The following ADAMTS19 variants were observed in gnomAD, a reference collection of about 807,000 sequenced individuals.
The protein encoded by ADAMTS19 is A disintegrin and metalloproteinase with thrombospondin motifs 19.
Under a neutral mutation model 153.3 loss-of-function variants are expected in ADAMTS19, and 93 were observed. The ratio of observed to expected loss-of-function variants is 0.61; its 90% CI spans 0.51 to 0.72. ADAMTS19 has a LOEUF of 0.72. Ranked by LOEUF, ADAMTS19 falls within the 30% of genes least tolerant of loss-of-function variation. ADAMTS19 has a pLI of 0.00. For missense variants in ADAMTS19, 1,482 were observed against 1,552.1 expected (o/e 0.95, Z 0.76); for synonymous variants, 600 against 556.6 (o/e 1.08, Z -1.10).
intron 6 of ADAMTS19, among the ~76,000 whole-genome samples, chr5:129,548,409 A>C (rs886941924): frequency 6.6e-6 from 1 of 151,974 alleles, no homozygotes; most frequent in African/African-American, 2.4e-5. Flanking sequence ...TTATGCAGCC[A>C]AAAAACACAT....
intron 16 of ADAMTS19, among the ~76,000 whole-genome samples, chr5:129,679,328 T>A (rs909395424): frequency 6.6e-6 from 1 of 152,236 alleles, no homozygotes; most frequent in Non-Finnish European, 1.5e-5. Flanking sequence ...TTAATGATCC[T>A]TCTTTAATCA....
chr5:129,591,883 T>A (rs1213050602), intron 7 of ADAMTS19, among the ~76,000 whole-genome samples: 1 of 152,058 alleles, frequency 6.6e-6, no homozygotes, highest in Non-Finnish European at 1.5e-5. Context: ...CTCTGATTTC[T>A]TCATTAGTTC....
At chr5:129,522,959 G>T (rs1302538077) in intron 3 of ADAMTS19, among the ~76,000 whole-genome samples, 1 of 151,968 alleles carries the variant, frequency 6.6e-6, no homozygotes, top group Non-Finnish European at 1.5e-5. Flanking sequence ...GAGAGGCAGA[G>T]GCAGGAGAAT....
chr5:129,460,530 G>C (rs750225288), intron 1 of ADAMTS19, 48 bp downstream of exon 1: 2 of 1,610,634 alleles, frequency 1.2e-6, no homozygotes, highest in Non-Finnish European at 1.7e-6. Flanking sequence ...CATCCCAGCG[G>C]AGACCGCGAA....
Position 129,526,389 on chromosome 5 carries a change from A to T in ADAMTS19, c.1019A>T (p.Asp340Val). 1 of 1,604,914 alleles carries T rather than the reference A, an allele frequency of 6.2e-7. No homozygotes were observed. The highest frequency in any genetic ancestry group is 8.5e-7 in the Non-Finnish European group (1 of 1,176,150). ...AACATAGAGACTGTAGTGGTTGCAG[A>T]CCCAGCAATGGTTTCCTATCATGGA... ...EYNIETVVVA[D>V]PAMVSYHGAD... The change falls in exon 4 of 23, where the codon GAC becomes GTC. Residue 340 changes from aspartate (D) to valine (V), a missense_variant. Asp to Val is a radical substitution (Grantham distance 152). This residue lies in a region of ADAMTS19 where 866 missense variants were observed against 827.7 expected (regional missense o/e 1.05). Transcript: ENST00000274487.
chr5:129,662,888 A>ATTTTTTTTTTTTTTTT (rs3049499), intron 15 of ADAMTS19, among the ~76,000 whole-genome samples: 2 of 92,888 alleles, frequency 2.2e-5, no homozygotes, highest in African/African-American at 9.4e-5. Flanking sequence ...ATTCTTCTTC[A>ATTTTTTTTTTTTTTTT]TTTTTTTTTT....
intron 3 of ADAMTS19, among the ~76,000 whole-genome samples, chr5:129,512,337 G>A (rs1308017581): frequency 6.6e-6 from 1 of 152,040 alleles, no homozygotes; most frequent in Non-Finnish European, 1.5e-5. Flanking sequence ...GGGCATTAGA[G>A]AGAACACACA....
chr5:129,549,278 A>T (rs1752979912), intron 6 of ADAMTS19, among the ~76,000 whole-genome samples: 2 of 151,378 alleles, frequency 1.3e-5, no homozygotes, highest in South Asian at 4.1e-4. Context: ...AATAATAGAA[A>T]AGGATTAAAT....
In ADAMTS19 at chr5:129,623,362, C is replaced by T. The variant is rs529176014; in HGVS notation, c.1770+1014C>T. Among the ~76,000 whole-genome samples the T allele has an allele frequency of 1.5e-4, 23 of 152,078 alleles. 1 individual carries two copies. Among genetic ancestry groups the T allele is most frequent in the African/African-American group, 3.6e-4 (15 of 41,484 alleles). ...CATCCCCTATCTGCCCATCTCCTCT[C>T]GCCTCTTCCTAACACACACACATAC... On this transcript the variant is annotated intron_variant, in intron 10 of 22. Transcript: ENST00000274487.
chr5:129,696,114 C>G (rs1755539981), intron 19 of ADAMTS19, among the ~76,000 whole-genome samples: 1 of 152,160 alleles, frequency 6.6e-6, no homozygotes, highest in Admixed American at 6.6e-5. Flanking sequence ...TTTCCCTATT[C>G]ACACCCCCAA....
chr5:129,472,203 C>A (rs188341118), intron 2 of ADAMTS19, among the ~76,000 whole-genome samples: 2 of 152,172 alleles, frequency 1.3e-5, no homozygotes, highest in African/African-American at 4.8e-5. Context: ...TTCTCTGCAA[C>A]CTTGCTAGGA....
intron 2 of ADAMTS19, among the ~76,000 whole-genome samples, chr5:129,474,874 T>C (rs926285539): frequency 4.6e-5 from 7 of 152,186 alleles, no homozygotes; most frequent in Non-Finnish European, 2.9e-5. Flanking sequence ...TTCATAGCCA[T>C]TGTAATATTT....
At chr5:129,615,792 T>C (rs1206128351) in intron 8 of ADAMTS19, among the ~76,000 whole-genome samples, 1 of 151,894 alleles carries the variant, frequency 6.6e-6, no homozygotes, top group Non-Finnish European at 1.5e-5. Context: ...AAGTAAGTAG[T>C]AGAGGTTTAA....
At chr5:129,469,333 A>G (rs1749984797) in intron 2 of ADAMTS19, among the ~76,000 whole-genome samples, 1 of 152,190 alleles carries the variant, frequency 6.6e-6, no homozygotes, top group African/African-American at 2.4e-5. Flanking sequence ...TAAGCTAGAA[A>G]AAGCAAATTT....
intron 7 of ADAMTS19, among the ~76,000 whole-genome samples, chr5:129,591,059 G>A (rs924110432): frequency 2.0e-5 from 3 of 152,044 alleles, no homozygotes; most frequent in African/African-American, 4.8e-5. Context: ...CATAAGCATC[G>A]CTTGCCCTTT....
intron 21 of ADAMTS19, among the ~76,000 whole-genome samples, chr5:129,733,024 C>G: frequency 6.6e-6 from 1 of 151,948 alleles, no homozygotes; most frequent in East Asian, 1.9e-4. Context: ...GCCAACTGAT[C>G]TTCAACAGAG....
intron 7 of ADAMTS19, among the ~76,000 whole-genome samples, chr5:129,559,915 G>T (rs973777799): frequency 6.6e-6 from 1 of 151,942 alleles, no homozygotes; most frequent in Non-Finnish European, 1.5e-5. Context: ...GTTTTTATTA[G>T]TTCTTCATTC....
intron 16 of ADAMTS19, among the ~76,000 whole-genome samples, chr5:129,671,878 A>G (rs998784946): frequency 1.3e-5 from 2 of 152,074 alleles, no homozygotes; most frequent in African/African-American, 4.8e-5. Flanking sequence ...GCAGTTTTGT[A>G]TGTAAAGCAC....
chr5:129,573,563 G>A (rs546639747), intron 7 of ADAMTS19, among the ~76,000 whole-genome samples: 13 of 151,818 alleles, frequency 8.6e-5, no homozygotes, highest in African/African-American at 2.2e-4. Context: ...TATATATTTC[G>A]GAATAGAAGT....
Sources: gnomAD v4.1 joint callset for allele counts (sites outside exome capture counted in the v4.1 genomes callset) on GRCh38, gnomAD v4.1.1 for gene constraint, gnomAD v4.1.1 regional missense constraint, MANE v1.5 for transcripts, NCBI Gene and HGNC (gene_info 2026-07-23, HGNC 2026-07-21) for gene names.